The following PLEC variants were observed in gnomAD, a reference collection of about 807,000 sequenced individuals.
The protein encoded by PLEC is plectin.
Under a neutral mutation model 392.8 loss-of-function variants are expected in PLEC, and 216 were observed. The observed-to-expected ratio is 0.55, with a 90% CI of 0.49 to 0.62. The LOEUF (loss-of-function observed/expected upper bound fraction) is 0.62, where lower values mean the gene tolerates loss of function less well. PLEC is among the 20% of genes least tolerant of loss of function. The pLI, the probability that PLEC is intolerant of heterozygous loss-of-function variation, is 0.00. For synonymous variants in PLEC, 3,621 were observed against 2,980.6 expected, an observed-to-expected ratio of 1.21 and a Z score of -7.00; for missense variants, 6,863 against 6,563.4, an observed-to-expected ratio of 1.05 and a Z score of -1.58.
At position 143,969,936 on chromosome 8, in the gene PLEC, C is replaced by T. The variant is rs11787335; in HGVS notation, c.70+3467G>A. On this transcript the variant is annotated intron_variant, in intron 1 of 31. Coordinates refer to the PLEC transcript ENST00000356346. The surrounding 1 kb of genome is among the most constrained non-coding windows in gnomAD (Gnocchi z 5.1). Reference sequence around the variant, plus strand: ...GGCCTGCATTGGTCTGGGGGAAAAGCGGGCCTGGAGAGGGGCTGGGTGTGT... The same window carrying T: ...GGCCTGCATTGGTCTGGGGGAAAAGTGGGCCTGGAGAGGGGCTGGGTGTGT... Among the ~76,000 whole-genome samples the T allele has an allele frequency of 0.4, 61,171 of 151,414 alleles. 13,450 individuals carry two copies. The highest frequency in any genetic ancestry group is 0.58 in the African/African-American group (23,858 of 41,292).
At chr8:143,960,164 C>T (rs1333647206) in intron 1 of PLEC, among the ~76,000 whole-genome samples, 1 of 151,652 alleles carries the variant, frequency 6.6e-6, no homozygotes, top group Non-Finnish European at 1.5e-5. Flanking sequence ...TGCCTGTAAT[C>T]CCAGCTACTT....
chr8:143,932,917 C>T lies in PLEC; in HGVS notation c.1613G>A (p.Arg538His), dbSNP rs200864968. ...LLAWVEENQH[R>H]VDGAEWGVDL... ...CACACCCCACTCAGCGCCATCCACA[C>T]GGTGCTGGTTCTCCTCCACCCAGGC... is the stretch of plus-strand genomic sequence containing the variant. The change falls in exon 14 of 32, where the codon CGT becomes CAT. Residue 538 changes from arginine (R) to histidine (H), a missense_variant. By Grantham distance (29) the Arg-to-His change is conservative. Coordinates refer to ENST00000345136, the MANE Select transcript of PLEC (RefSeq NM_201384.3). 1.6e-4 allele frequency: 255 copies of T among 1,612,638 alleles called. No homozygotes were observed. The highest frequency in any genetic ancestry group is 5.7e-4 in the Admixed American group (34 of 60,004).
In PLEC at chr8:143,938,624, C is replaced by T; in HGVS notation, c.174+7G>A. 1 of 1,613,736 alleles carries T rather than the reference C, an allele frequency of 6.2e-7. No individual in the cohort carries two copies. The highest frequency in any genetic ancestry group is 8.5e-7 in the Non-Finnish European group (1 of 1,179,806). On this transcript the variant is annotated splice_region_variant and intron_variant, in intron 2 of 31. Transcript: ENST00000345136. ...CCCTGTGACACGCACCAGCATGCGC[C>T]ACCAACCTTGATGAGGTGCTTGTTG...
chr8:143,976,302 G>C (rs1338257696), upstream of PLEC, among the ~76,000 whole-genome samples: 1 of 152,160 alleles, frequency 6.6e-6, no homozygotes, highest in Admixed American at 6.5e-5. Flanking sequence ...ATGGGGCTCT[G>C]TCTCGGAGGG....
At chr8:143,948,590 G>C (rs1035126661) in intron 1 of PLEC, among the ~76,000 whole-genome samples, 1 of 152,224 alleles carries the variant, frequency 6.6e-6, no homozygotes, top group Non-Finnish European at 1.5e-5. Context: ...GCTGTGGCTC[G>C]CTTCCTGTTG....
chr8:143,938,410 C>T, intron 2 of PLEC, 170 bp from the exon 3 acceptor site: 1 of 1,536,500 alleles, frequency 6.5e-7, no homozygotes, highest in Non-Finnish European at 8.7e-7. Context: ...CCTCTGCCCG[C>T]CAGTGCTGCA....
chr8:143,926,488 C>A (rs767865175), intron 30 of PLEC, among the ~76,000 whole-genome samples: 1 of 152,232 alleles, frequency 6.6e-6, no homozygotes, highest in African/African-American at 2.4e-5. Flanking sequence ...CAACGCAGAA[C>A]GCCAAGGAAG....
chr8:143,925,971 TCAGA>T (rs1825014266), intron 30 of PLEC, 87 bp from the exon 31 acceptor site: 9 of 1,387,912 alleles, frequency 6.5e-6, no homozygotes, highest in Admixed American at 2.0e-5. Flanking sequence ...CACAGTTCAC[TCAGA>T]CAGCGCGGAG....
Position 143,919,796 on chromosome 8 carries a change from G to T in PLEC, c.10025C>A (p.Ser3342Ter). 1 of 1,612,788 alleles carries T rather than the reference G, an allele frequency of 6.2e-7. No individual in the cohort carries two copies. The change falls in exon 32 of 32, where the codon TCG becomes TAG. Residue 3342 changes from serine to a stop codon, truncating the protein, a stop_gained. Transcript: ENST00000345136. LOFTEE classifies it high-confidence loss of function. The part of the protein sequence containing the change: ...KDGKTTVKDL[S>*]ELGSVRTLLQ... Reference sequence around the variant, plus strand: ...CAGCGTCCGCACGGAGCCCAGCTCCGAAAGGTCCTTGACCGTCGTCTTGCC... The same window carrying T: ...CAGCGTCCGCACGGAGCCCAGCTCCTAAAGGTCCTTGACCGTCGTCTTGCC...
Position 143,923,278 on chromosome 8 carries a change from C to T in PLEC, c.6651G>A (p.Thr2217=), listed in dbSNP as rs782658127. The change falls in exon 31 of 32, where the codon ACG becomes ACA. Residue 2217 remains threonine, a synonymous_variant. Transcript: ENST00000345136. ...EELQRLKAEA[T]EAARQRSQVE... ...CCTGGCTGCGCTGGCGTGCGGCCTC[C>T]GTGGCCTCCGCCTTCAGCCGCTGCA... The T allele has an allele frequency of 4.4e-5, 71 of 1,607,444 alleles. No homozygotes were observed. The South Asian group carries it at 5.7e-4, about 13-fold the overall frequency.
Position 143,921,488 on chromosome 8 carries a change from T to G in PLEC, c.8333A>C (p.Lys2778Thr), listed in dbSNP as rs782513734. ...GATCTGCTGGCCAGTGTAGGGGTCCTTGTAGCCAGTGACGGCGCGCTCGGC... is the reference window on the plus strand; with the variant it reads ...GATCTGCTGGCCAGTGTAGGGGTCCGTGTAGCCAGTGACGGCGCGCTCGGC... ...LSAERAVTGY[K>T]DPYTGQQISL... Residue 2778 changes from lysine to threonine, a missense_variant, in exon 32 of 32, where the codon AAG becomes ACG. Transcript: ENST00000345136. The G allele has an allele frequency of 1.5e-5, 25 of 1,612,914 alleles. No homozygotes were observed. Among genetic ancestry groups the G allele is most frequent in the East Asian group, 6.7e-5 (3 of 44,882 alleles).
chr8:143,924,509 C>T lies in PLEC; in HGVS notation c.5420G>A (p.Arg1807His), dbSNP rs782737003. Residue 1807 changes from arginine (R) to histidine (H), a missense_variant, in exon 31 of 32, where the codon CGT becomes CAT. Transcript: ENST00000345136. The stretch of plus-strand genomic sequence containing the variant: ...CCGCTTGGCCTCTTCCGCCAGGGCA[C>T]GCAGGCGGGCGGCCTCCTCGGCCAG... ...RELAEEAARL[R>H]ALAEEAKRQR... The T allele has an allele frequency of 2.0e-5, 30 of 1,537,808 alleles. No homozygotes were observed. Among genetic ancestry groups the T allele is most frequent in the African/African-American group, 1.5e-4 (11 of 71,874 alleles).
chr8:143,927,380 G>T (rs781970288), intron 27 of PLEC, 30 bp downstream of exon 27: 2 of 1,609,070 alleles, frequency 1.2e-6, no homozygotes, highest in African/African-American at 1.3e-5. Context: ...GGCACGCCCA[G>T]CCGCCCCGTC....
rs782735286 is a variant in PLEC, at chr8:143,950,225, C to T, written c.482G>A (p.Arg161Gln). 2.6e-5 allele frequency: 40 copies of T among 1,555,312 alleles called. No individual in the cohort carries two copies. Among genetic ancestry groups the T allele is most frequent in the Non-Finnish European group, 3.1e-5 (36 of 1,147,242 alleles). Residue 161 changes from arginine to glutamine, a missense_variant, in exon 1 of 32, where the codon CGG becomes CAG. Transcript: ENST00000322810. ...CTCCGGGCCTGGCCTGGCCAGGGTC[C>T]GCTGGGTGGTAGCAGGCACCACAGG...
chr8:143,939,254 C>A (rs1432995703), intron 1 of PLEC, 96 bp downstream of exon 1: 1 of 1,495,392 alleles, frequency 6.7e-7, no homozygotes, highest in Non-Finnish European at 9.1e-7. Flanking sequence ...GACCAGCCCC[C>A]CAGCGGTGCC....
At chr8:143,944,474 C>A (rs931121447), upstream of PLEC, among the ~76,000 whole-genome samples, 1 of 152,216 alleles carries the variant, frequency 6.6e-6, no homozygotes, top group African/African-American at 2.4e-5. Flanking sequence ...CCCAACACCC[C>A]AAAAGTGAGA....
upstream of PLEC, chr8:143,953,930 A>AGGGCCGCCCCGGGCGCATGCTCC: frequency 7.1e-7 from 1 of 1,407,336 alleles, no homozygotes; most frequent in Non-Finnish European, 9.2e-7. Context: ...TGCGCCGGAC[A>AGGGCCGCCCCGGGCGCATGCTCC]GGGCCGCCCC....
In PLEC at chr8:143,939,400, G is replaced by A. The variant is rs575886715; in HGVS notation, c.62C>T (p.Ser21Leu). Residue 21 changes from serine to leucine, a missense_variant, in exon 1 of 32, where the codon TCG (serine) becomes TTG (leucine). Ser to Leu is a moderately radical substitution (Grantham distance 145). Coordinates refer to ENST00000345136, the MANE Select transcript of PLEC (RefSeq NM_201384.3). ...PEGLGRKRTS[S>L]EDNLYLAVLR... Reference sequence around the variant, plus strand: ...CACAGCCAGGTACAGGTTGTCCTCCGAGCTGGTTCTCTTTCGGCCCAGGCC... The same window carrying A: ...CACAGCCAGGTACAGGTTGTCCTCCAAGCTGGTTCTCTTTCGGCCCAGGCC... The A allele has an allele frequency of 2.3e-4, 376 of 1,612,784 alleles. 1 individual carries two copies. The South Asian group carries it at 3.6e-3, about 16-fold the overall frequency.
chr8:143,918,028 G>A lies in PLEC; in HGVS notation c.11793C>T (p.Gly3931=), dbSNP rs1821134772. The A allele has an allele frequency of 2.5e-6, 4 of 1,610,108 alleles. No individual in the cohort carries two copies. The highest frequency in any genetic ancestry group is 3.4e-6 in the Non-Finnish European group (4 of 1,179,244). Residue 3931 remains glycine (G), a synonymous_variant, in exon 32 of 32, where the codon GGC becomes GGT. Transcript: ENST00000345136. ...CGAAGACACCAGCGATGCAGCTGGT[G>A]CCTTCCAGGAACTTCTGCAAGTTCT... ...VTKNLQKFLE[G]TSCIAGVFVD...
Sources: allele counts gnomAD v4.1 joint callset (sites outside exome capture counted in the v4.1 genomes callset), GRCh38; gene constraint gnomAD v4.1.1; non-coding constraint Gnocchi (gnomAD v3.1); transcripts MANE v1.5; gene names NCBI Gene and HGNC (gene_info 2026-07-23, HGNC 2026-07-21).